Variants in BEND5 observed in about 807,000 individuals in gnomAD.
The protein encoded by BEND5 is BEN domain-containing protein 5.
In BEND5, 22 loss-of-function variants were observed where a neutral mutation model predicts 43.9. That is an observed-to-expected ratio of 0.50 (90% CI 0.36 to 0.72). BEND5 has a LOEUF of 0.72. BEND5 is among the 30% of genes least tolerant of loss of function. The pLI, the probability that BEND5 is intolerant of heterozygous loss-of-function variation, is 0.00. For synonymous variants in BEND5, 228 were observed against 225.9 expected (o/e 1.01, Z -0.08); for missense variants, 428 against 550.6 (o/e 0.78, Z 2.23).
chr1:48,737,854 C>T (rs1003596969), intron 4 of BEND5, among the ~76,000 whole-genome samples: 6 of 152,080 alleles, frequency 3.9e-5, no homozygotes, highest in African/African-American at 1.2e-4. Flanking sequence ...TGTGAAGGGA[C>T]GAAATGGCCT....
chr1:48,754,115 C>G (rs1372165460), intron 3 of BEND5, among the ~76,000 whole-genome samples: 1 of 152,200 alleles, frequency 6.6e-6, no homozygotes, highest in African/African-American at 2.4e-5. Context: ...ATTATACTGT[C>G]TAAGTGGTAC....
intron 3 of BEND5, among the ~76,000 whole-genome samples, chr1:48,752,842 C>T (rs986894180): frequency 2.0e-5 from 3 of 152,218 alleles, no homozygotes; most frequent in East Asian, 1.9e-4. Flanking sequence ...CTCTGCTTCC[C>T]GGGTTCAAGC....
At position 48,776,587 on chromosome 1, in the gene BEND5, T is replaced by C; in HGVS notation, c.226+19A>G. ...GCCCCCGCCCGGGTCCCACCGTCCCTCCCCGCCCGCTTGCTCACCTGCCAG... is the reference window on the plus strand; with the variant it reads ...GCCCCCGCCCGGGTCCCACCGTCCCCCCCCGCCCGCTTGCTCACCTGCCAG... On this transcript the variant is annotated intron_variant, in intron 1 of 5. Transcript: ENST00000371833. The C allele has an allele frequency of 1.8e-6, 2 of 1,108,110 alleles. No homozygotes were observed. The highest frequency in any genetic ancestry group is 1.2e-6 in the Non-Finnish European group (1 of 864,394). 68.6% of individuals were successfully genotyped at this position (1,108,110 alleles called of 1,614,324 possible). A position where few individuals can be genotyped will look rare whatever the true frequency, so the allele number is the denominator to read the frequency against.
At chr1:48,733,831 C>T (rs369315532) in intron 5 of BEND5, among the ~76,000 whole-genome samples, 12 of 152,158 alleles carry the variant, frequency 7.9e-5, no homozygotes, top group African/African-American at 2.4e-4. Context: ...GTTCAACCTT[C>T]GTTTACTGAG....
At position 48,736,110 on chromosome 1, in the gene BEND5, C is replaced by T. The variant is rs2148575206; in HGVS notation, c.1108+129G>A. 1 of 1,054,338 alleles carries T rather than the reference C, an allele frequency of 9.5e-7. No individual in the cohort carries two copies. Among genetic ancestry groups the T allele is most frequent in the Non-Finnish European group, 1.4e-6 (1 of 707,124 alleles). The allele number at this position is 1,054,338 out of a possible 1,614,324, so 65.3% of individuals were successfully genotyped here. A position where few individuals can be genotyped will look rare whatever the true frequency, so the allele number is the denominator to read the frequency against. On this transcript the variant is annotated intron_variant, in intron 5 of 5. Transcript: ENST00000371833. This position sits in a 1 kb window ranked among gnomAD's most constrained non-coding sequence, Gnocchi z 4.0. The stretch of plus-strand genomic sequence containing the variant: ...GCATTTGGGTTATCCGCTTGGTGTC[C>T]CCGGGCTCAGCCCAGGGTCTGGCAT...
intron 1 of BEND5, among the ~76,000 whole-genome samples, chr1:48,771,526 T>C (rs1294849959): frequency 6.6e-6 from 1 of 152,218 alleles, no homozygotes; most frequent in Non-Finnish European, 1.5e-5. Context: ...GAACCCTCAA[T>C]GGTTAACATC....
At chr1:48,771,299 T>C (rs1644817115) in intron 1 of BEND5, among the ~76,000 whole-genome samples, 1 of 152,214 alleles carries the variant, frequency 6.6e-6, no homozygotes, top group South Asian at 2.1e-4. Context: ...GAATTGGTCT[T>C]GGTGTCAAAG....
chr1:48,742,834 A>C, intron 3 of BEND5, 63 bp from the exon 4 acceptor site: 2 of 1,419,926 alleles, frequency 1.4e-6, no homozygotes, highest in Non-Finnish European at 1.9e-6. Context: ...AAATATTTTT[A>C]ACTAGGCATC....
At chr1:48,775,570 G>C (rs150062287) in intron 1 of BEND5, among the ~76,000 whole-genome samples, 1 of 152,290 alleles carries the variant, frequency 6.6e-6, no homozygotes, top group African/African-American at 2.4e-5. Context: ...AGCTAAAAAG[G>C]CTGCTCCCCA....
chr1:48,772,798 C>T (rs984192710), intron 1 of BEND5, among the ~76,000 whole-genome samples: 2 of 152,180 alleles, frequency 1.3e-5, no homozygotes, highest in Non-Finnish European at 2.9e-5. Flanking sequence ...TGAATGCAGG[C>T]AGTGATGGTG....
chr1:48,761,572 A>C, intron 1 of BEND5, 102 bp from the exon 2 acceptor site: 1 of 1,239,776 alleles, frequency 8.1e-7, no homozygotes, highest in Non-Finnish European at 1.1e-6. Context: ...AATTGAGGCC[A>C]GACCAGTTAA....
chr1:48,742,566 C>A, intron 4 of BEND5, 57 bp downstream of exon 4: 2 of 1,434,612 alleles, frequency 1.4e-6, no homozygotes, highest in Non-Finnish European at 1.8e-6. Flanking sequence ...ATACTCTCCA[C>A]CTTTACTCTG....
intron 5 of BEND5, among the ~76,000 whole-genome samples, chr1:48,733,918 A>G (rs560842820): frequency 2.9e-4 from 44 of 152,310 alleles, no homozygotes; most frequent in African/African-American, 8.4e-4. Context: ...AGATCCCTGA[A>G]GGAGACACAC....
chr1:48,768,346 T>C (rs1392449205), intron 1 of BEND5, among the ~76,000 whole-genome samples: 3 of 152,130 alleles, frequency 2.0e-5, no homozygotes, highest in Non-Finnish European at 1.5e-5. Context: ...CACAAAGCTC[T>C]AAATAATGCC....
At chr1:48,742,236 T>C (rs1478456555) in intron 4 of BEND5, among the ~76,000 whole-genome samples, 1 of 152,228 alleles carries the variant, frequency 6.6e-6, no homozygotes, top group Non-Finnish European at 1.5e-5. Flanking sequence ...TATCTGTAAA[T>C]AAGATACTTC....
intron 5 of BEND5, among the ~76,000 whole-genome samples, chr1:48,729,226 T>G (rs1387604376): frequency 6.6e-6 from 1 of 152,218 alleles, no homozygotes; most frequent in African/African-American, 2.4e-5. Context: ...CAACTATTAA[T>G]TCCTAGGGCC....
chr1:48,752,892 G>A (rs1034386208), intron 3 of BEND5, among the ~76,000 whole-genome samples: 4 of 152,120 alleles, frequency 2.6e-5, no homozygotes, highest in African/African-American at 9.7e-5. Context: ...TGGGACTACA[G>A]GCACGCGCCC....
At chr1:48,754,186 G>A (rs1652173039) in intron 3 of BEND5, among the ~76,000 whole-genome samples, 1 of 152,148 alleles carries the variant, frequency 6.6e-6, no homozygotes, top group South Asian at 2.1e-4. Flanking sequence ...TAAGAACAGG[G>A]AATCTAGCTG....
chr1:48,773,262 A>G (rs925614508), intron 1 of BEND5, among the ~76,000 whole-genome samples: 3 of 152,118 alleles, frequency 2.0e-5, no homozygotes, highest in African/African-American at 7.2e-5. Context: ...AAAAAAAATA[A>G]AATTCAACAC....
Sources: allele counts gnomAD v4.1 joint callset (sites outside exome capture counted in the v4.1 genomes callset), GRCh38; gene constraint gnomAD v4.1.1; non-coding constraint Gnocchi (gnomAD v3.1); transcripts MANE v1.5; gene names NCBI Gene and HGNC (gene_info 2026-07-23, HGNC 2026-07-21).